The following FSTL4 variants were observed in gnomAD, a reference collection of about 807,000 sequenced individuals.
FSTL4 encodes follistatin like 4, also known as follistatin-related protein 4.
In FSTL4, 28 loss-of-function variants were observed where a neutral mutation model predicts 78.2. The observed-to-expected ratio is 0.36, with a 90% confidence interval of 0.27 to 0.49. The LOEUF (loss-of-function observed/expected upper bound fraction) is 0.49, where lower values mean the gene tolerates loss of function less well. FSTL4 is among the 20% of genes least tolerant of loss of function. The pLI is 0.98. For synonymous variants in FSTL4, 422 were observed against 440.5 expected (o/e 0.96, Z 0.53); for missense variants, 922 against 1,084.9 (o/e 0.85, Z 2.11).
chr5:133,657,929 T>C, the FSTL4 span, among the ~76,000 whole-genome samples: 22,441 of 151,974 alleles, frequency 0.15, 1,693 homozygotes, highest in Admixed American at 0.24. Context: ...TTTTAGTAAA[T>C]AGCCTTTGTT....
the FSTL4 span, among the ~76,000 whole-genome samples, chr5:133,776,276 A>T: frequency 0.34 from 51,884 of 151,996 alleles, 9,368 homozygotes; most frequent in Middle Eastern, 0.59. Flanking sequence ...TGGGGTGTTT[A>T]TGTCCCAAGC....
At position 133,236,788 on chromosome 5, in the gene FSTL4, C is replaced by A. The variant is rs1751677337; in HGVS notation, c.895-3251G>T. ...TCCCTCTCCTGCAAGTCTGCTCCAACCTTGTCTGGCAGCCCCATTTCTGGA... is the reference window on the plus strand; with the variant it reads ...TCCCTCTCCTGCAAGTCTGCTCCAAACTTGTCTGGCAGCCCCATTTCTGGA... On this transcript the variant is annotated intron_variant, in intron 7 of 15. Transcript: ENST00000265342. The surrounding 1 kb of genome is among the most constrained non-coding windows in gnomAD (Gnocchi z 5.0). Among the ~76,000 whole-genome samples, 1 of 152,242 alleles carries A rather than the reference C, an allele frequency of 6.6e-6. No individual in the cohort carries two copies.
chr5:133,791,072 C>CA, the FSTL4 span, among the ~76,000 whole-genome samples: 2 of 152,240 alleles, frequency 1.3e-5, no homozygotes, highest in African/African-American at 4.8e-5. Flanking sequence ...GCTGTAGCCA[C>CA]ACTGCCTCCT....
the FSTL4 span, among the ~76,000 whole-genome samples, chr5:133,776,227 T>C: frequency 6.6e-6 from 1 of 152,210 alleles, no homozygotes; most frequent in Non-Finnish European, 1.5e-5. Flanking sequence ...TGGTTTAGTT[T>C]GTCAATGGGA....
the FSTL4 span, among the ~76,000 whole-genome samples, chr5:133,831,459 T>C: frequency 1.3e-5 from 2 of 151,894 alleles, no homozygotes; most frequent in Admixed American, 6.6e-5. Flanking sequence ...AGGCAGTGAG[T>C]GGTGGAAAAT....
intron 1 of FSTL4, among the ~76,000 whole-genome samples, chr5:133,605,402 G>T (rs1406438182): frequency 6.6e-6 from 1 of 152,226 alleles, no homozygotes; most frequent in Non-Finnish European, 1.5e-5. Context: ...GTGGGTGCTT[G>T]AGGGACCTGG....
chr5:133,677,425 T>C, the FSTL4 span, among the ~76,000 whole-genome samples: 1 of 152,212 alleles, frequency 6.6e-6, no homozygotes, highest in African/African-American at 2.4e-5. Context: ...CATTAAGGAC[T>C]TCTGAGGTCT....
chr5:133,239,072 C>T (rs867152510), intron 7 of FSTL4, among the ~76,000 whole-genome samples: 10 of 152,204 alleles, frequency 6.6e-5, no homozygotes, highest in East Asian at 1.9e-4. Flanking sequence ...CGGCGGGCCC[C>T]GCACTCGGAG....
the FSTL4 span, among the ~76,000 whole-genome samples, chr5:133,766,280 GA>G: frequency 6.6e-6 from 1 of 151,910 alleles, no homozygotes; most frequent in East Asian, 2.0e-4. Context: ...AGGAAAAGGG[GA>G]AAAGGAAAAA....
chr5:133,755,998 C>T, the FSTL4 span, among the ~76,000 whole-genome samples: 1 of 152,168 alleles, frequency 6.6e-6, no homozygotes, highest in Non-Finnish European at 1.5e-5. Flanking sequence ...CAAAATGCAA[C>T]ACAACAGAAA....
At chr5:133,623,308 T>C in the FSTL4 span, among the ~76,000 whole-genome samples, 292 of 152,178 alleles carry the variant, frequency 1.9e-3, 1 homozygote, top group Middle Eastern at 0.01. Context: ...AGGACAGACA[T>C]ATAGACCAAT....
the FSTL4 span, among the ~76,000 whole-genome samples, chr5:133,681,969 C>T: frequency 7.3e-4 from 111 of 152,328 alleles, no homozygotes; most frequent in Non-Finnish European, 1.4e-3. Context: ...TGGGCTGTTG[C>T]TGGTGGTTCC....
chr5:133,329,438 A>G (rs1181716078), intron 4 of FSTL4, among the ~76,000 whole-genome samples: 1 of 152,046 alleles, frequency 6.6e-6, no homozygotes. Flanking sequence ...TAACTTACAC[A>G]CCTGTAACAG....
intron 4 of FSTL4, among the ~76,000 whole-genome samples, chr5:133,386,814 G>A (rs1202635533): frequency 3.9e-5 from 6 of 152,122 alleles, no homozygotes; most frequent in African/African-American, 7.2e-5. Context: ...TGTGTTTCAC[G>A]TGGCATTGGC....
At chr5:133,460,169 C>A (rs1362886087) in intron 3 of FSTL4, among the ~76,000 whole-genome samples, 1 of 152,260 alleles carries the variant, frequency 6.6e-6, no homozygotes, top group African/African-American at 2.4e-5. Flanking sequence ...CGCTCCCACA[C>A]TGTGGAGTGT....
intron 8 of FSTL4, 86 bp downstream of exon 8, chr5:133,233,331 C>A: frequency 7.0e-7 from 1 of 1,419,356 alleles, no homozygotes. Flanking sequence ...TTTAAGAAGA[C>A]AGAATACAGG....
the FSTL4 span, among the ~76,000 whole-genome samples, chr5:133,678,627 C>A: frequency 6.6e-6 from 1 of 151,854 alleles, no homozygotes; most frequent in African/African-American, 2.4e-5. Flanking sequence ...TTTTGAGATG[C>A]CACTGAGGCA....
At chr5:133,774,993 T>G in the FSTL4 span, among the ~76,000 whole-genome samples, 1 of 150,756 alleles carries the variant, frequency 6.6e-6, no homozygotes, top group Non-Finnish European at 1.5e-5. Context: ...AAAAAAAAAA[T>G]GTTGCTTTTC....
At chr5:133,201,690 G>A (rs945125332) in intron 15 of FSTL4, among the ~76,000 whole-genome samples, 1 of 152,136 alleles carries the variant, frequency 6.6e-6, no homozygotes, top group Admixed American at 6.5e-5. Flanking sequence ...GACCTTTCTG[G>A]GCCACTGAGG....
Sources: allele counts gnomAD v4.1 joint callset (sites outside exome capture counted in the v4.1 genomes callset), GRCh38; gene constraint gnomAD v4.1.1; non-coding constraint Gnocchi (gnomAD v3.1); transcripts MANE v1.5; gene names NCBI Gene and HGNC (gene_info 2026-07-23, HGNC 2026-07-21).